Variants in CCDC7 observed in about 807,000 individuals in gnomAD.
The protein encoded by CCDC7 is coiled-coil domain-containing protein 7.
Under a neutral mutation model 196.9 loss-of-function variants are expected in CCDC7, and 183 were observed. That is an observed-to-expected ratio of 0.93 (90% CI 0.82 to 1.05). The LOEUF (loss-of-function observed/expected upper bound fraction) is 1.05. CCDC7 is among the 50% of genes least tolerant of loss of function. CCDC7 has a pLI of 0.00. For synonymous variants in CCDC7, 525 were observed against 484.6 expected, an observed-to-expected ratio of 1.08 and a Z score of -1.10; for missense variants, 1,540 against 1,482.2, an observed-to-expected ratio of 1.04 and a Z score of -0.64.
intron 29 of CCDC7, among the ~76,000 whole-genome samples, chr10:32,790,656 C>A (rs1189817967): frequency 6.6e-6 from 1 of 152,168 alleles, no homozygotes; most frequent in African/African-American, 2.4e-5. Flanking sequence ...CTCCCTAGGG[C>A]CTGAGCCTTT....
intron 25 of CCDC7, among the ~76,000 whole-genome samples, chr10:32,721,599 TG>T: frequency 6.6e-6 from 1 of 152,240 alleles, no homozygotes. Flanking sequence ...CAATAGTCCC[TG>T]GGACTTCTTT....
At position 32,518,643 on chromosome 10, in the gene CCDC7, TA is replaced by T. The variant is rs2135534736; in HGVS notation, c.993+142del. On this transcript the variant is annotated intron_variant, in intron 11 of 41. Transcript: ENST00000639629. Reference sequence around the variant, plus strand: ...ATTCGTAGCAGCTATGCTTTAAAAATAAAATTATGCCATATTCTAAATTATC... The same window carrying T: ...ATTCGTAGCAGCTATGCTTTAAAAATAAATTATGCCATATTCTAAATTATC... 4.6e-6 allele frequency: 3 copies of T among 655,986 alleles called. No individual in the cohort carries two copies. In the East Asian group the frequency reaches 1.1e-4, roughly 23 times the overall value. 40.6% of individuals were successfully genotyped at this position (655,986 alleles called of 1,614,324 possible). A position where few individuals can be genotyped will look rare whatever the true frequency, so the allele number is the denominator to read the frequency against.
intron 28 of CCDC7, among the ~76,000 whole-genome samples, chr10:32,748,335 C>CCA (rs1057378924): frequency 9.9e-5 from 15 of 151,984 alleles, no homozygotes; most frequent in Non-Finnish European, 2.1e-4. Flanking sequence ...TCTAACAGAC[C>CCA]TCCACATGTA....
chr10:32,658,312 A>G (rs2070424312), intron 20 of CCDC7, among the ~76,000 whole-genome samples: 1 of 152,204 alleles, frequency 6.6e-6, no homozygotes, highest in Admixed American at 6.5e-5. Flanking sequence ...AAGTTAATTT[A>G]CTCACAGTTC....
At chr10:32,664,735 T>C (rs10160086) in intron 21 of CCDC7, among the ~76,000 whole-genome samples, 2,846 of 152,196 alleles carry the variant, frequency 0.019, 93 homozygotes, top group African/African-American at 0.065. Flanking sequence ...CTAAGTTTGA[T>C]TCCGTATCTT....
At chr10:32,781,099 A>C (rs1478655228) in intron 29 of CCDC7, among the ~76,000 whole-genome samples, 1 of 152,196 alleles carries the variant, frequency 6.6e-6, no homozygotes, top group Non-Finnish European at 1.5e-5. Context: ...TATACAATCT[A>C]CCAGAACTGA....
chr10:32,783,366 C>T (rs1229097435), intron 29 of CCDC7, among the ~76,000 whole-genome samples: 1 of 152,086 alleles, frequency 6.6e-6, no homozygotes, highest in Non-Finnish European at 1.5e-5. Context: ...GACATTTTTC[C>T]AGAGGAGATA....
chr10:32,718,122 C>T (rs1326072726), intron 25 of CCDC7, among the ~76,000 whole-genome samples: 8 of 152,122 alleles, frequency 5.3e-5, no homozygotes, highest in South Asian at 4.2e-4. Flanking sequence ...AACATCGATG[C>T]GAAAATTTTA....
intron 20 of CCDC7, among the ~76,000 whole-genome samples, chr10:32,652,344 G>C (rs2068924186): frequency 6.6e-6 from 1 of 151,834 alleles, no homozygotes; most frequent in South Asian, 2.1e-4. Context: ...ACATATACTT[G>C]GATCTTATTT....
chr10:32,485,486 C>T (rs2040871277), intron 8 of CCDC7, among the ~76,000 whole-genome samples: 1 of 152,140 alleles, frequency 6.6e-6, no homozygotes, highest in South Asian at 2.1e-4. Context: ...TTTTGTGTCT[C>T]TATTTCCTTC....
At chr10:32,820,478 A>G (rs1042043382) in intron 31 of CCDC7, among the ~76,000 whole-genome samples, 5 of 152,202 alleles carry the variant, frequency 3.3e-5, no homozygotes, top group African/African-American at 1.2e-4. Context: ...TAAAGTTCAT[A>G]TGGAACCAAA....
At chr10:32,797,897 G>T (rs974359232) in intron 29 of CCDC7, among the ~76,000 whole-genome samples, 55 of 152,112 alleles carry the variant, frequency 3.6e-4, no homozygotes. Flanking sequence ...CATTGTAATT[G>T]TGACTTCAAA....
chr10:32,477,338 G>A (rs1458021113), intron 8 of CCDC7, among the ~76,000 whole-genome samples: 1 of 152,072 alleles, frequency 6.6e-6, no homozygotes, highest in Non-Finnish European at 1.5e-5. Context: ...TAGCAGCTGG[G>A]ACCACAGGCG....
At chr10:32,578,050 C>G (rs1037714176) in intron 16 of CCDC7, among the ~76,000 whole-genome samples, 1 of 152,052 alleles carries the variant, frequency 6.6e-6, no homozygotes, top group African/African-American at 2.4e-5. Flanking sequence ...ATGTGTAATC[C>G]CATGAGTTTG....
rs552350161 is a variant in CCDC7 at position 32,620,671 on chromosome 10, C to T, written c.1802-13583C>T. Among the ~76,000 whole-genome samples, 87 of 152,300 alleles carry T rather than the reference C, an allele frequency of 5.7e-4. No individual in the cohort carries two copies. In the Middle Eastern group the frequency reaches 0.014, roughly 24 times the overall value. Reference sequence around the variant, plus strand: ...GTATTTATATTTAAGAACTTTTCCACTGTCCAGCCATGGCTGACTGAGCCA... The same window carrying T: ...GTATTTATATTTAAGAACTTTTCCATTGTCCAGCCATGGCTGACTGAGCCA... On this transcript the variant is annotated intron_variant, in intron 18 of 41. Coordinates refer to ENST00000639629, the Ensembl canonical transcript of CCDC7.
At chr10:32,550,273 CTT>C (rs1247883927) in intron 13 of CCDC7, among the ~76,000 whole-genome samples, 10 of 151,738 alleles carry the variant, frequency 6.6e-5, no homozygotes, top group African/African-American at 1.9e-4. Context: ...TATCCAGAAA[CTT>C]TGCTGAATTC....
chr10:32,517,675 G>C (rs570746759), intron 9 of CCDC7, among the ~76,000 whole-genome samples: 1 of 149,854 alleles, frequency 6.7e-6, no homozygotes, highest in African/African-American at 2.5e-5. Context: ...GCTAAATGAC[G>C]AGTTAATGGG....
chr10:32,591,185 A>G (rs145990520), intron 18 of CCDC7, among the ~76,000 whole-genome samples: 1 of 151,798 alleles, frequency 6.6e-6, no homozygotes, highest in Non-Finnish European at 1.5e-5. Context: ...ATAACACTTA[A>G]ATTTTCCCTA....
intron 31 of CCDC7, among the ~76,000 whole-genome samples, chr10:32,818,173 G>A (rs1038544782): frequency 1.2e-4 from 18 of 152,128 alleles, no homozygotes; most frequent in African/African-American, 4.1e-4. Context: ...ACAAAAAAAG[G>A]CAAGGGTTGC....
Sources: allele counts gnomAD v4.1 joint callset (sites outside exome capture counted in the v4.1 genomes callset), GRCh38; gene constraint gnomAD v4.1.1; transcripts MANE v1.5; gene names NCBI Gene and HGNC (gene_info 2026-07-23, HGNC 2026-07-21).